Variants in TRIM44 observed in about 807,000 individuals in gnomAD.
TRIM44 encodes the protein tripartite motif-containing protein 44.
Under a neutral mutation model 37.4 loss-of-function variants are expected in TRIM44, and 13 were observed. That is an observed-to-expected ratio of 0.35 (90% CI 0.23 to 0.55). The LOEUF (loss-of-function observed/expected upper bound fraction) is 0.55, where lower values mean the gene tolerates loss of function less well. Among genes scored for constraint, TRIM44 ranks in the 20% least tolerant of loss-of-function variants. The pLI is 0.89. For missense variants in TRIM44, 426 were observed against 437.2 expected (o/e 0.97, Z 0.23); for synonymous variants, 175 against 157.2 (o/e 1.11, Z -0.85).
At chr11:35,713,729 A>T (rs1852006709) in intron 2 of TRIM44, among the ~76,000 whole-genome samples, 1 of 152,154 alleles carries the variant, frequency 6.6e-6, no homozygotes, top group African/African-American at 2.4e-5. Context: ...GTTCTTGGGT[A>T]AGCAGGTTGT....
At chr11:35,688,413 T>C (rs1023081789) in intron 2 of TRIM44, among the ~76,000 whole-genome samples, 3 of 152,194 alleles carry the variant, frequency 2.0e-5, no homozygotes, top group Non-Finnish European at 4.4e-5. Context: ...TACATACTTA[T>C]AGATTTAAAA....
intron 4 of TRIM44, among the ~76,000 whole-genome samples, chr11:35,754,329 C>A (rs920619203): frequency 6.6e-6 from 1 of 152,104 alleles, no homozygotes; most frequent in Non-Finnish European, 1.5e-5. Context: ...GGATGTAGTA[C>A]AAAATGGATA....
rs142521158 is a variant in TRIM44, at chr11:35,803,502, A to C, written c.1008-2856A>C. Among the ~76,000 whole-genome samples, 1,236 of 152,266 alleles carry C rather than the reference A, an allele frequency of 8.1e-3. 18 individuals carry two copies. Among genetic ancestry groups the C allele is most frequent in the African/African-American group, 0.027 (1,133 of 41,556 alleles). ...ATCCAGCACTTTGGGAGACTGGGGC[A>C]GGCGGAATCACAAGGTCAGGAGTTC... is the stretch of plus-strand genomic sequence containing the variant. On this transcript the variant is annotated intron_variant, in intron 4 of 4. Transcript: ENST00000299413.
chr11:35,768,959 T>C (rs1427992915), intron 4 of TRIM44, among the ~76,000 whole-genome samples: 1 of 152,198 alleles, frequency 6.6e-6, no homozygotes, highest in African/African-American at 2.4e-5. Flanking sequence ...CTGACAAACA[T>C]TTAAAAATTA....
intron 4 of TRIM44, among the ~76,000 whole-genome samples, chr11:35,798,759 T>TA (rs1317320945): frequency 6.6e-6 from 1 of 152,212 alleles, no homozygotes; most frequent in East Asian, 1.9e-4. Context: ...TATTTCTTGA[T>TA]ATGACATTCA....
intron 4 of TRIM44, among the ~76,000 whole-genome samples, chr11:35,757,389 C>T (rs1180279933): frequency 2.0e-5 from 3 of 151,994 alleles, no homozygotes; most frequent in Non-Finnish European, 4.4e-5. Context: ...TGATTCTTCT[C>T]TCTTTTCTTC....
In TRIM44 at chr11:35,690,976, A is replaced by G. The variant is rs116553431; in HGVS notation, c.747+5640A>G. Among the ~76,000 whole-genome samples the G allele has an allele frequency of 2.7e-3, 408 of 152,278 alleles. 2 individuals carry two copies. The highest frequency in any genetic ancestry group is 9.4e-3 in the African/African-American group (392 of 41,540). ...GTATATATAGCCTGGCATCCCTAGC[A>G]ATGTGACCCTTAACTGATTATTTTT... On this transcript the variant is annotated intron_variant, in intron 2 of 4. Coordinates refer to ENST00000299413, the MANE Select transcript of TRIM44 (RefSeq NM_017583.6).
At chr11:35,742,684 A>G (rs1306384786) in intron 4 of TRIM44, among the ~76,000 whole-genome samples, 4 of 135,740 alleles carry the variant, frequency 2.9e-5, no homozygotes, top group Non-Finnish European at 6.1e-5. Flanking sequence ...TATTATATAT[A>G]ATTATATTAA....
At chr11:35,800,286 GATTT>G (rs1181866612) in intron 4 of TRIM44, among the ~76,000 whole-genome samples, 1 of 152,194 alleles carries the variant, frequency 6.6e-6, no homozygotes, top group Non-Finnish European at 1.5e-5. Context: ...CGAGCAGCAA[GATTT>G]ATTATGAAGA....
chr11:35,739,090 T>G (rs573255746), intron 4 of TRIM44, among the ~76,000 whole-genome samples: 1 of 152,348 alleles, frequency 6.6e-6, no homozygotes, highest in South Asian at 2.1e-4. Context: ...GACCAAATGT[T>G]GTGCTTTTAG....
chr11:35,731,608 AT>A (rs34621355), intron 3 of TRIM44, among the ~76,000 whole-genome samples: 7 of 150,704 alleles, frequency 4.6e-5, no homozygotes, highest in South Asian at 4.2e-4. Flanking sequence ...CTTCTCCTTT[AT>A]TTTTTTTTCT....
intron 4 of TRIM44, among the ~76,000 whole-genome samples, chr11:35,756,084 A>G (rs1303077569): frequency 6.6e-6 from 1 of 152,206 alleles, no homozygotes; most frequent in Non-Finnish European, 1.5e-5. Flanking sequence ...GAATCTATAA[A>G]TTACCTTGGG....
chr11:35,734,321 A>C (rs533855421), intron 3 of TRIM44, among the ~76,000 whole-genome samples: 7 of 152,306 alleles, frequency 4.6e-5, no homozygotes, highest in African/African-American at 1.7e-4. Context: ...TTTAATCCTC[A>C]TACTCATCCT....
intron 4 of TRIM44, among the ~76,000 whole-genome samples, chr11:35,785,366 C>T (rs1853117905): frequency 6.6e-6 from 1 of 152,246 alleles, no homozygotes; most frequent in Non-Finnish European, 1.5e-5. Context: ...CAAGAATAGC[C>T]TTGCTTCAAC....
intron 4 of TRIM44, among the ~76,000 whole-genome samples, chr11:35,804,027 C>T (rs1370722060): frequency 1.3e-5 from 2 of 151,512 alleles, no homozygotes; most frequent in African/African-American, 4.8e-5. Context: ...TCCCCTGAGC[C>T]TGTATCTCAC....
At chr11:35,674,294 A>G (rs1444676146) in intron 1 of TRIM44, among the ~76,000 whole-genome samples, 3 of 151,932 alleles carry the variant, frequency 2.0e-5, no homozygotes, top group Admixed American at 2.0e-4. Context: ...ATATATCGCT[A>G]TGATAGGATC....
chr11:35,779,873 A>ATTTTTTTTTT (rs11440904), intron 4 of TRIM44, among the ~76,000 whole-genome samples: 1 of 136,532 alleles, frequency 7.3e-6, no homozygotes, highest in Non-Finnish European at 1.6e-5. Context: ...CCCTTTGCCT[A>ATTTTTTTTTT]TTTTTTTTTT....
chr11:35,776,353 T>C (rs1852961473), intron 4 of TRIM44, among the ~76,000 whole-genome samples: 1 of 152,230 alleles, frequency 6.6e-6, no homozygotes, highest in Admixed American at 6.5e-5. Context: ...TCTGTTTTCT[T>C]CTGTATTAGT....
chr11:35,695,184 A>G (rs1479780221), intron 2 of TRIM44, among the ~76,000 whole-genome samples: 3 of 152,156 alleles, frequency 2.0e-5, no homozygotes, highest in Non-Finnish European at 4.4e-5. Context: ...TATCTTCTCT[A>G]CGACGAGTCA....
Sources: gnomAD v4.1 joint callset for allele counts (sites outside exome capture counted in the v4.1 genomes callset) on GRCh38, gnomAD v4.1.1 for gene constraint, MANE v1.5 for transcripts, NCBI Gene and HGNC (gene_info 2026-07-23, HGNC 2026-07-21) for gene names.